Variants in CAMTA1 observed in about 807,000 individuals in gnomAD.
CAMTA1 encodes calmodulin binding transcription activator 1, also known as calmodulin-binding transcription activator 1.
CAMTA1 carries 27 observed loss-of-function variants against 170.9 expected under a neutral mutation model. The observed-to-expected ratio is 0.16, with a 90% CI of 0.12 to 0.22. The LOEUF (loss-of-function observed/expected upper bound fraction) is 0.22, where lower values mean the gene tolerates loss of function less well. CAMTA1 is among the 10% of genes least tolerant of loss of function. The probability of loss-of-function intolerance (pLI) is 1.00; values close to 1 mark genes in which losing one functional copy is unlikely to be tolerated. For synonymous variants in CAMTA1, 833 were observed against 891.5 expected (o/e 0.93, Z 1.17); for missense variants, 1,619 against 2,217.2 (o/e 0.73, Z 5.42).
chr1:7,474,027 G>A lies in CAMTA1; in HGVS notation c.510+6126G>A, dbSNP rs532302839. Among the ~76,000 whole-genome samples, 21 of 152,328 alleles carry A rather than the reference G, an allele frequency of 1.4e-4. No homozygotes were observed. In the East Asian group the frequency reaches 3.3e-3, roughly 24 times the overall value. ...CAACCACACAGGAGGCTGCCCTTCC[G>A]GGGCCACCCCCCTGGACACTGGGTG... On this transcript the variant is annotated intron_variant, in intron 6 of 22. Coordinates refer to ENST00000303635, the MANE Select transcript of CAMTA1 (RefSeq NM_015215.4).
chr1:7,533,098 G>A (rs967375445), intron 6 of CAMTA1, among the ~76,000 whole-genome samples: 9 of 152,218 alleles, frequency 5.9e-5, no homozygotes, highest in Non-Finnish European at 8.8e-5. Context: ...TTCCTCCAGC[G>A]CTGTGGTGCC....
intron 3 of CAMTA1, among the ~76,000 whole-genome samples, chr1:6,980,431 A>G (rs1335884925): frequency 6.6e-6 from 1 of 152,192 alleles, no homozygotes; most frequent in African/African-American, 2.4e-5. Flanking sequence ...CCGTGGAGTG[A>G]CAGACCCAGA....
intron 3 of CAMTA1, among the ~76,000 whole-genome samples, chr1:6,831,098 G>A (rs1649928016): frequency 6.6e-6 from 1 of 152,154 alleles, no homozygotes; most frequent in Admixed American, 6.6e-5. Context: ...GATTACGGAC[G>A]TGAGCCATCG....
intron 4 of CAMTA1, among the ~76,000 whole-genome samples, chr1:7,107,275 T>C (rs568894027): frequency 0.014 from 628 of 46,298 alleles, 5 homozygotes; most frequent in African/African-American, 0.051. Flanking sequence ...TATGTGTGTG[T>C]GCATGTGTGT....
intron 4 of CAMTA1, among the ~76,000 whole-genome samples, chr1:7,110,532 A>G (rs1044274537): frequency 4.6e-5 from 7 of 152,242 alleles, no homozygotes; most frequent in African/African-American, 1.7e-4. Context: ...GCGATGAATT[A>G]TTCAGCCCTG....
At chr1:6,961,366 C>G (rs945564293) in intron 3 of CAMTA1, among the ~76,000 whole-genome samples, 14 of 152,312 alleles carry the variant, frequency 9.2e-5, no homozygotes, top group African/African-American at 3.4e-4. Context: ...GGGATGAGCT[C>G]TGCACGTCAC....
chr1:6,790,242 G>A (rs1199806900), intron 1 of CAMTA1, among the ~76,000 whole-genome samples: 2 of 151,928 alleles, frequency 1.3e-5, no homozygotes, highest in Non-Finnish European at 2.9e-5. Context: ...GTGTAATAGT[G>A]TGCTATCTTG....
Position 7,248,072 on chromosome 1 carries a change from G to A in CAMTA1, c.303-1419G>A, listed in dbSNP as rs1666096029. Among the ~76,000 whole-genome samples the A allele has an allele frequency of 6.6e-6, 1 of 152,182 alleles. No individual in the cohort carries two copies. The highest frequency in any genetic ancestry group is 1.5e-5 in the Non-Finnish European group (1 of 68,044). ...TAATTTCCAGCGGAATTGCTGTTTAGTCATCATATTGCCGCTGAATGACAT... is the reference window on the plus strand; with the variant it reads ...TAATTTCCAGCGGAATTGCTGTTTAATCATCATATTGCCGCTGAATGACAT... On this transcript the variant is annotated intron_variant, in intron 4 of 22. Transcript: ENST00000303635. This position sits in a 1 kb window ranked among gnomAD's most constrained non-coding sequence, Gnocchi z 4.0.
chr1:7,142,152 C>A (rs770686264), intron 4 of CAMTA1: 1 of 518,594 alleles, frequency 1.9e-6, no homozygotes, highest in Admixed American at 1.9e-5. Flanking sequence ...CTTGGAGAGC[C>A]CTGCTCTACT....
chr1:6,958,435 T>A (rs2149508864), intron 3 of CAMTA1, among the ~76,000 whole-genome samples: 1 of 152,310 alleles, frequency 6.6e-6, no homozygotes, highest in African/African-American at 2.4e-5. Context: ...GAGAGGCAGC[T>A]GGACTCTCCT....
At chr1:7,314,229 T>C (rs1001695832) in intron 5 of CAMTA1, among the ~76,000 whole-genome samples, 2 of 152,186 alleles carry the variant, frequency 1.3e-5, no homozygotes, top group Non-Finnish European at 2.9e-5. Context: ...GGGCAACCGT[T>C]TGAGTACTGA....
intron 3 of CAMTA1, among the ~76,000 whole-genome samples, chr1:6,870,536 A>T (rs1226702415): frequency 6.6e-6 from 1 of 152,202 alleles, no homozygotes; most frequent in Non-Finnish European, 1.5e-5. Context: ...TTTTAATAAA[A>T]TCCTTTTGGA....
In CAMTA1 at chr1:7,588,090, A is replaced by G. The variant is rs926072081; in HGVS notation, c.511-52310A>G. On this transcript the variant is annotated intron_variant, in intron 6 of 22. Transcript: ENST00000303635. The surrounding 1 kb of genome is among the most constrained non-coding windows in gnomAD (Gnocchi z 5.8). ...CACTGGGCTGGCCTGGCAGTGGCCC[A>G]GGGTGCTGTTCTGGGTCACTGGGGC... 6.6e-6 allele frequency among the ~76,000 whole-genome samples: 1 copy of G among 152,098 alleles called. No individual in the cohort carries two copies. Among genetic ancestry groups the G allele is most frequent in the African/African-American group, 2.4e-5 (1 of 41,368 alleles).
chr1:7,381,281 T>C (rs1241566026), intron 5 of CAMTA1, among the ~76,000 whole-genome samples: 15 of 150,952 alleles, frequency 9.9e-5, no homozygotes, highest in Admixed American at 9.2e-4. Flanking sequence ...ATTAGGTATA[T>C]CTCCCAATGC....
chr1:7,741,006 C>T (rs2096808398), intron 16 of CAMTA1, among the ~76,000 whole-genome samples: 2 of 152,036 alleles, frequency 1.3e-5, no homozygotes, highest in South Asian at 4.2e-4. Context: ...GAGGAGTGAA[C>T]AATCAAACAG....
chr1:7,147,239 T>C (rs541708495), intron 4 of CAMTA1, among the ~76,000 whole-genome samples: 14 of 152,098 alleles, frequency 9.2e-5, no homozygotes, highest in Admixed American at 3.9e-4. Context: ...GCTAACATGG[T>C]GAAACCCCGT....
chr1:6,979,217 C>A (rs1269080591), intron 3 of CAMTA1, among the ~76,000 whole-genome samples: 1 of 152,242 alleles, frequency 6.6e-6, no homozygotes, highest in East Asian at 1.9e-4. Context: ...TCCCTGCCCC[C>A]TTGGAGGAAG....
rs965220722 is a variant in CAMTA1, at chr1:7,310,073, T to C, written c.438+60447T>C. Among the ~76,000 whole-genome samples the C allele has an allele frequency of 8.5e-5, 13 of 152,208 alleles. 1 individual carries two copies. The East Asian group carries it at 2.5e-3, about 29-fold the overall frequency. On this transcript the variant is annotated intron_variant, in intron 5 of 22. Coordinates refer to ENST00000303635, the MANE Select transcript of CAMTA1 (RefSeq NM_015215.4). ...TTCCTTCCATCTGAAGAACTTCTTTTAGAAATTTCTTAGAGCAATTCTAGA... is the reference window on the plus strand; with the variant it reads ...TTCCTTCCATCTGAAGAACTTCTTTCAGAAATTTCTTAGAGCAATTCTAGA...
rs553153715 is a variant in CAMTA1 at position 7,540,868 on chromosome 1, T to C, written c.510+72967T>C. ...GAGGCTTTGGCCTACCTCTCTGAAGTTGAATGAATTAGTTGATTAGTTGCA... is the reference window on the plus strand; with the variant it reads ...GAGGCTTTGGCCTACCTCTCTGAAGCTGAATGAATTAGTTGATTAGTTGCA... On this transcript the variant is annotated intron_variant, in intron 6 of 22. Coordinates refer to ENST00000303635, the MANE Select transcript of CAMTA1 (RefSeq NM_015215.4). Among the ~76,000 whole-genome samples the C allele has an allele frequency of 2.6e-5, 4 of 152,258 alleles. No individual in the cohort carries two copies. The East Asian group carries it at 5.8e-4, about 22-fold the overall frequency.
Sources: allele counts gnomAD v4.1 joint callset (sites outside exome capture counted in the v4.1 genomes callset), GRCh38; gene constraint gnomAD v4.1.1; non-coding constraint Gnocchi (gnomAD v3.1); transcripts MANE v1.5; gene names NCBI Gene and HGNC (gene_info 2026-07-23, HGNC 2026-07-21).